Variants in ICA1 observed in about 807,000 individuals in gnomAD.
ICA1 encodes 69 kDa islet cell autoantigen.
A neutral mutation model predicts 71.0 loss-of-function variants in ICA1; 40 were observed. The ratio of observed to expected loss-of-function variants is 0.56; its 90% CI spans 0.44 to 0.73. ICA1 has a LOEUF of 0.73. Among genes scored for constraint, ICA1 ranks in the 30% least tolerant of loss-of-function variants. The pLI is 0.00. For missense variants in ICA1, 578 were observed against 576.5 expected (o/e 1.00, Z -0.03); for synonymous variants, 207 against 209.5 (o/e 0.99, Z 0.10).
chr7:8,193,495 C>T (rs1276353852), intron 6 of ICA1, among the ~76,000 whole-genome samples: 1 of 152,176 alleles, frequency 6.6e-6, no homozygotes. Flanking sequence ...AAAGAGACGA[C>T]GTCTGCTAAC....
intron 6 of ICA1, among the ~76,000 whole-genome samples, chr7:8,183,622 T>A (rs1263486449): frequency 6.6e-6 from 1 of 152,218 alleles, no homozygotes; most frequent in Non-Finnish European, 1.5e-5. Flanking sequence ...CTGAGCAAGT[T>A]ATTTAACCTT....
In ICA1 at chr7:8,143,930, TCTC is replaced by T. The variant is rs761707353; in HGVS notation, c.844_846del (p.Glu282del). On this transcript the variant is annotated inframe_deletion, in exon 9 of 14. Coordinates refer to ENST00000402384, the MANE Select transcript of ICA1 (RefSeq NM_001136020.3). ...CTTTCCTGCTGGTTGATTTTCTTCT[TCTC>T]TTCTTTCTCAACTAATTTTTTCATA... 1 of 1,612,406 alleles carries T rather than the reference TCTC, an allele frequency of 6.2e-7. No homozygotes were observed. The highest frequency in any genetic ancestry group is 8.5e-7 in the Non-Finnish European group (1 of 1,178,694).
At chr7:8,115,179 T>C (rs987516344) in intron 13 of ICA1, among the ~76,000 whole-genome samples, 15 of 152,228 alleles carry the variant, frequency 9.9e-5, no homozygotes, top group African/African-American at 3.1e-4. Context: ...TGTATCTACA[T>C]GTAAAAATCA....
At chr7:8,158,226 C>G (rs1262224960) in intron 7 of ICA1, 7 of 337,840 alleles carry the variant, frequency 2.1e-5, no homozygotes, top group South Asian at 4.4e-5. Flanking sequence ...GACATTCTGT[C>G]TCGTACATTA....
At chr7:8,257,108 A>G (rs570862566) in intron 1 of ICA1, among the ~76,000 whole-genome samples, 8 of 152,346 alleles carry the variant, frequency 5.3e-5, no homozygotes, top group South Asian at 2.1e-4. Flanking sequence ...ATCTCCCCCA[A>G]TCACAGGCTT....
chr7:8,134,166 G>A (rs1792488334), intron 12 of ICA1, among the ~76,000 whole-genome samples: 1 of 152,178 alleles, frequency 6.6e-6, no homozygotes, highest in Non-Finnish European at 1.5e-5. Context: ...CAGAAAGGCT[G>A]AGATGACAGA....
chr7:8,154,853 T>C (rs1398758381), intron 8 of ICA1, among the ~76,000 whole-genome samples: 1 of 152,338 alleles, frequency 6.6e-6, no homozygotes, highest in African/African-American at 2.4e-5. Context: ...TACAAAACAA[T>C]ATGCAACATA....
chr7:8,208,941 C>T (rs753661469), intron 6 of ICA1, among the ~76,000 whole-genome samples: 7 of 152,164 alleles, frequency 4.6e-5, no homozygotes, highest in African/African-American at 7.2e-5. Context: ...GCTCAATTTA[C>T]GGCAGTATTT....
At chr7:8,224,393 G>A (rs1439887831) in intron 4 of ICA1, among the ~76,000 whole-genome samples, 4 of 152,070 alleles carry the variant, frequency 2.6e-5, no homozygotes, top group Admixed American at 6.6e-5. Flanking sequence ...AATGGGAGTC[G>A]GATTCCATTT....
chr7:8,233,061 G>A (rs1420418799), intron 2 of ICA1, among the ~76,000 whole-genome samples: 1 of 152,204 alleles, frequency 6.6e-6, no homozygotes, highest in African/African-American at 2.4e-5. Flanking sequence ...GAGACAGTGA[G>A]ATCAAGCCAG....
chr7:8,141,040 T>C (rs1199390437), intron 10 of ICA1, among the ~76,000 whole-genome samples: 1 of 152,196 alleles, frequency 6.6e-6, no homozygotes, highest in Non-Finnish European at 1.5e-5. Context: ...CTGTAAAACA[T>C]TCCCCCGCAT....
intron 6 of ICA1, among the ~76,000 whole-genome samples, chr7:8,186,543 T>C (rs1391267792): frequency 6.6e-6 from 1 of 152,096 alleles, no homozygotes; most frequent in Non-Finnish European, 1.5e-5. Context: ...CTGTGTAGGC[T>C]GCTATACAAA....
intron 8 of ICA1, among the ~76,000 whole-genome samples, chr7:8,156,006 C>A (rs1474024622): frequency 6.6e-6 from 1 of 152,160 alleles, no homozygotes; most frequent in Non-Finnish European, 1.5e-5. Flanking sequence ...ATTCACCATG[C>A]AACATGCCAG....
intron 6 of ICA1, among the ~76,000 whole-genome samples, chr7:8,178,092 A>G (rs760148101): frequency 3.9e-5 from 6 of 152,182 alleles, no homozygotes; most frequent in Non-Finnish European, 5.9e-5. Flanking sequence ...TAAACTATCT[A>G]CAATCTTCCA....
intron 6 of ICA1, among the ~76,000 whole-genome samples, chr7:8,204,490 A>G (rs1790829081): frequency 1.3e-5 from 2 of 152,248 alleles, no homozygotes; most frequent in South Asian, 4.1e-4. Flanking sequence ...CTTTACCAAT[A>G]TTTAATCAAA....
chr7:8,169,901 AGTGTGTGTGTGTGT>A (rs58794085), intron 6 of ICA1, among the ~76,000 whole-genome samples: 1 of 147,086 alleles, frequency 6.8e-6, no homozygotes, highest in Non-Finnish European at 1.5e-5. Flanking sequence ...TTAATGCCTG[AGTGTGTGTGTGTGT>A]GTGTGTGTGT....
intron 8 of ICA1, chr7:8,156,656 G>A: frequency 1.7e-6 from 1 of 583,154 alleles, no homozygotes; most frequent in Non-Finnish European, 2.7e-6. Flanking sequence ...AATACTCTCA[G>A]AATAAAATGA....
intron 6 of ICA1, among the ~76,000 whole-genome samples, chr7:8,210,761 C>T (rs1347284082): frequency 6.6e-6 from 1 of 152,078 alleles, no homozygotes. Flanking sequence ...GTCTCCCAGG[C>T]TGGAGTACAG....
intron 13 of ICA1, chr7:8,116,223 T>C (rs754839449): frequency 2.1e-4 from 32 of 152,310 alleles, no homozygotes; most frequent in South Asian, 4.1e-4. Context: ...AGAGACAAAA[T>C]GCTGTTATTA....
Sources: allele counts gnomAD v4.1 joint callset (sites outside exome capture counted in the v4.1 genomes callset), GRCh38; gene constraint gnomAD v4.1.1; transcripts MANE v1.5; gene names NCBI Gene and HGNC (gene_info 2026-07-23, HGNC 2026-07-21).